Variants in PPME1 observed in about 807,000 individuals in gnomAD.
The protein encoded by PPME1 is testicular secretory protein Li 39.
PPME1 carries 17 observed loss-of-function variants against 56.9 expected under a neutral mutation model. The observed-to-expected ratio is 0.30, with a 90% CI of 0.20 to 0.45. The LOEUF (loss-of-function observed/expected upper bound fraction) is 0.45. Ranked by LOEUF, PPME1 falls within the 20% of genes least tolerant of loss-of-function variation. The pLI is 1.00. For synonymous variants in PPME1, 122 were observed against 156.2 expected (o/e 0.78, Z 1.63); for missense variants, 357 against 483.2 (o/e 0.74, Z 2.45).
intron 3 of PPME1, among the ~76,000 whole-genome samples, chr11:74,212,680 G>A (rs939136924): frequency 1.3e-5 from 2 of 152,030 alleles, no homozygotes; most frequent in Non-Finnish European, 2.9e-5. Flanking sequence ...GTAGGATAAG[G>A]CACCAGGCAG....
chr11:74,193,642 A>G (rs547646426), intron 1 of PPME1, among the ~76,000 whole-genome samples: 1 of 152,002 alleles, frequency 6.6e-6, no homozygotes, highest in Non-Finnish European at 1.5e-5. Context: ...TCTTCCCTTC[A>G]TATTTCTTAA....
intron 7 of PPME1, among the ~76,000 whole-genome samples, chr11:74,232,103 A>G (rs911074669): frequency 2.6e-5 from 4 of 152,128 alleles, no homozygotes; most frequent in African/African-American, 9.7e-5. Context: ...AAGTTCTCCA[A>G]ACCACCCAGA....
chr11:74,225,142 A>G, intron 4 of PPME1, 63 bp from the exon 5 acceptor site: 4 of 1,124,216 alleles, frequency 3.6e-6, no homozygotes, highest in Non-Finnish European at 5.1e-6. Flanking sequence ...TTTAAAAGAG[A>G]ATACTTCTGC....
chr11:74,228,627 C>A (rs1372418452), intron 5 of PPME1, among the ~76,000 whole-genome samples: 1 of 152,154 alleles, frequency 6.6e-6, no homozygotes, highest in Non-Finnish European at 1.5e-5. Flanking sequence ...TAACAAGAAT[C>A]TGCAGCTCTT....
intron 1 of PPME1, among the ~76,000 whole-genome samples, chr11:74,176,885 C>G (rs1857413125): frequency 6.6e-6 from 1 of 151,808 alleles, no homozygotes; most frequent in Admixed American, 6.6e-5. Context: ...CATGCACCAC[C>G]ACACCCAGCT....
chr11:74,173,597 A>C (rs947457084), intron 1 of PPME1, among the ~76,000 whole-genome samples: 20 of 152,104 alleles, frequency 1.3e-4, no homozygotes, highest in Admixed American at 3.9e-4. Flanking sequence ...GCTAGAGTGC[A>C]GTGGCACAAT....
intron 2 of PPME1, 144 bp from the exon 3 acceptor site, chr11:74,204,209 A>T: frequency 1.7e-6 from 1 of 583,820 alleles, no homozygotes. Context: ...ACAGAGGGTT[A>T]GTGTCTCAGA....
At chr11:74,193,506 C>G (rs1480132499) in intron 1 of PPME1, among the ~76,000 whole-genome samples, 2 of 152,074 alleles carry the variant, frequency 1.3e-5, no homozygotes, top group African/African-American at 4.8e-5. Context: ...AATTTGAAAC[C>G]CTTCTGGTCC....
chr11:74,230,852 G>T lies in PPME1; in HGVS notation c.554-60G>T. 8.1e-7 allele frequency: 1 copy of T among 1,240,266 alleles called. No individual in the cohort carries two copies. Among genetic ancestry groups the T allele is most frequent in the Non-Finnish European group, 1.2e-6 (1 of 863,056 alleles). The allele number at this position is 1,240,266 out of a possible 1,614,324, so 76.8% of individuals were successfully genotyped here. A position where few individuals can be genotyped will look rare whatever the true frequency, so the allele number is the denominator to read the frequency against. ...GAGCAGATATATAGTAGTTGACTCA[G>T]TAAGTGTAAATGCTCAGAATAAGTT... On this transcript the variant is annotated intron_variant, in intron 6 of 13. Transcript: ENST00000328257. The surrounding 1 kb of genome is among the most constrained non-coding windows in gnomAD (Gnocchi z 4.9).
At chr11:74,221,548 C>A (rs2135647787) in intron 3 of PPME1, among the ~76,000 whole-genome samples, 1 of 152,172 alleles carries the variant, frequency 6.6e-6, no homozygotes, top group East Asian at 1.9e-4. Flanking sequence ...TGACCCTGGG[C>A]AAATAATTTT....
intron 9 of PPME1, among the ~76,000 whole-genome samples, chr11:74,245,050 CTGGTCTATTTGT>C (rs1859470426): frequency 6.6e-6 from 1 of 152,120 alleles, no homozygotes; most frequent in African/African-American, 2.4e-5. Flanking sequence ...TTCTATTCCA[CTGGTCTATTTGT>C]CTTTACGGCA....
At chr11:74,253,094 CTG>C (rs1859745752) in intron 13 of PPME1, among the ~76,000 whole-genome samples, 1 of 152,156 alleles carries the variant, frequency 6.6e-6, no homozygotes, top group Admixed American at 6.5e-5. Context: ...TTAGAGAACT[CTG>C]AATTCCAGGG....
chr11:74,231,601 A>G (rs556784448), intron 7 of PPME1, among the ~76,000 whole-genome samples: 2 of 152,190 alleles, frequency 1.3e-5, no homozygotes, highest in African/African-American at 2.4e-5. Flanking sequence ...TGTTTTCCCA[A>G]TACACTATAG....
chr11:74,221,607 T>G (rs1211862119), intron 3 of PPME1, among the ~76,000 whole-genome samples: 1 of 152,176 alleles, frequency 6.6e-6, no homozygotes, highest in African/African-American at 2.4e-5. Flanking sequence ...ACGGCTAGAC[T>G]AGACAGTTCT....
intron 1 of PPME1, among the ~76,000 whole-genome samples, chr11:74,178,412 A>G (rs184764119): frequency 6.6e-6 from 1 of 152,318 alleles, no homozygotes; most frequent in Admixed American, 6.5e-5. Flanking sequence ...GTTTAGACCA[A>G]TTTTGATTCA....
intron 9 of PPME1, among the ~76,000 whole-genome samples, chr11:74,242,503 G>A (rs1016207623): frequency 6.6e-6 from 1 of 152,070 alleles, no homozygotes; most frequent in Admixed American, 6.5e-5. Context: ...GCCAGACCAC[G>A]CTCCTGTTGT....
chr11:74,188,645 C>T (rs1321345192), intron 1 of PPME1, among the ~76,000 whole-genome samples: 1 of 152,216 alleles, frequency 6.6e-6, no homozygotes, highest in East Asian at 1.9e-4. Flanking sequence ...ATTAACCTAA[C>T]TACCTATTTG....
intron 11 of PPME1, 196 bp from the exon 12 acceptor site, chr11:74,250,758 G>A: frequency 3.5e-6 from 2 of 573,288 alleles, no homozygotes; most frequent in Non-Finnish European, 3.1e-6. Flanking sequence ...GAAGGAAAAA[G>A]TGAAGGGAAA....
In PPME1 at chr11:74,197,541, T is replaced by C. The variant is rs184784173; in HGVS notation, c.102-6187T>C. Among the ~76,000 whole-genome samples, 8 of 152,298 alleles carry C rather than the reference T, an allele frequency of 5.3e-5. No homozygotes were observed. In the East Asian group the frequency reaches 1.5e-3, roughly 29 times the overall value. ...GATCCTCATAATAACGCCTATAAAA[T>C]TGGTACTATAATCCCCTAACATGAA... On this transcript the variant is annotated intron_variant, in intron 1 of 13. Coordinates refer to ENST00000328257, the MANE Select transcript of PPME1 (RefSeq NM_016147.3).
Sources: allele counts gnomAD v4.1 joint callset (sites outside exome capture counted in the v4.1 genomes callset), GRCh38; gene constraint gnomAD v4.1.1; non-coding constraint Gnocchi (gnomAD v3.1); transcripts MANE v1.5; gene names NCBI Gene and HGNC (gene_info 2026-07-23, HGNC 2026-07-21).